TNIK: variants seen among roughly 807,000 people sequenced by gnomAD.
The protein encoded by TNIK is TRAF2 and NCK-interacting protein kinase.
TNIK carries 49 observed loss-of-function variants against 191.3 expected under a neutral mutation model. The observed-to-expected ratio is 0.26, with a 90% CI of 0.20 to 0.32. TNIK has a LOEUF of 0.32. Among genes scored for constraint, TNIK ranks in the 10% least tolerant of loss-of-function variants. The pLI is 1.00. For missense variants in TNIK, 1,155 were observed against 1,702.3 expected (o/e 0.68, Z 5.66); for synonymous variants, 594 against 600.9 (o/e 0.99, Z 0.17).
intron 8 of TNIK, 144 bp from the exon 9 acceptor site, chr3:171,175,474 C>A: frequency 1.6e-6 from 1 of 639,882 alleles, no homozygotes; most frequent in Non-Finnish European, 2.7e-6. Flanking sequence ...TATCCAAATG[C>A]TTCTGAGCAT....
intron 1 of TNIK, among the ~76,000 whole-genome samples, chr3:171,441,321 C>G (rs1726774109): frequency 6.6e-6 from 1 of 152,226 alleles, no homozygotes; most frequent in African/African-American, 2.4e-5. Flanking sequence ...CCCTGTTTTC[C>G]TCTCCACCCT....
intron 2 of TNIK, among the ~76,000 whole-genome samples, chr3:171,237,920 A>G (rs751602890): frequency 7.2e-5 from 11 of 152,088 alleles, no homozygotes; most frequent in Non-Finnish European, 1.5e-4. Context: ...CTAGAAGTAA[A>G]CCTACCATCC....
chr3:171,180,188 C>T (rs1030085880), intron 7 of TNIK, among the ~76,000 whole-genome samples: 3 of 152,152 alleles, frequency 2.0e-5, no homozygotes, highest in Admixed American at 1.3e-4. Flanking sequence ...TGCTCGAAGG[C>T]CCAGCCTTTG....
At chr3:171,111,289 C>T (rs1254268207) in intron 18 of TNIK, among the ~76,000 whole-genome samples, 2 of 152,034 alleles carry the variant, frequency 1.3e-5, no homozygotes, top group East Asian at 1.9e-4. Flanking sequence ...GTGGCATGTG[C>T]CTGTCCTCCC....
At chr3:171,102,910 A>AAT (rs1560112323) in intron 21 of TNIK, among the ~76,000 whole-genome samples, 1 of 152,110 alleles carries the variant, frequency 6.6e-6, no homozygotes, top group Admixed American at 6.5e-5. Context: ...ACAACAAAAC[A>AAT]TTGTTTCTCT....
intron 2 of TNIK, among the ~76,000 whole-genome samples, chr3:171,303,033 A>T (rs926436737): frequency 1.3e-5 from 2 of 152,228 alleles, no homozygotes; most frequent in African/African-American, 4.8e-5. Context: ...TTTATATAAT[A>T]ACAAAATTGC....
chr3:171,323,443 A>G (rs1365312622), intron 2 of TNIK, among the ~76,000 whole-genome samples: 2 of 152,162 alleles, frequency 1.3e-5, no homozygotes, highest in Non-Finnish European at 2.9e-5. Flanking sequence ...TGTGGATTAC[A>G]CCGCATGGAT....
intron 21 of TNIK, chr3:171,106,588 T>C (rs1393942638): frequency 4.1e-6 from 2 of 484,208 alleles, no homozygotes; most frequent in South Asian, 3.1e-5. Flanking sequence ...AGTAAGGCAG[T>C]CATCCTTCTT....
At chr3:171,395,050 G>A (rs76253613) in intron 1 of TNIK, among the ~76,000 whole-genome samples, 2,151 of 152,266 alleles carry the variant, frequency 0.014, 54 homozygotes, top group African/African-American at 0.048. Flanking sequence ...GCTTGATAAG[G>A]TGATCTTGGC....
intron 4 of TNIK, among the ~76,000 whole-genome samples, chr3:171,206,515 C>T (rs1454833635): frequency 2.6e-5 from 4 of 152,008 alleles, no homozygotes; most frequent in African/African-American, 9.7e-5. Context: ...CCCATTAACA[C>T]CATGCAGATG....
chr3:171,092,094 C>T (rs183586017), intron 23 of TNIK, among the ~76,000 whole-genome samples: 15 of 151,870 alleles, frequency 9.9e-5, no homozygotes, highest in African/African-American at 3.1e-4. Flanking sequence ...GGACTACAGG[C>T]GCCCGCCACG....
intron 4 of TNIK, among the ~76,000 whole-genome samples, chr3:171,209,699 C>T (rs1447327227): frequency 1.3e-5 from 2 of 151,768 alleles, no homozygotes; most frequent in Non-Finnish European, 2.9e-5. Flanking sequence ...ATGTGTTTAC[C>T]CCCAAATAAT....
At chr3:171,223,660 C>T (rs919045981) in intron 3 of TNIK, among the ~76,000 whole-genome samples, 1 of 152,248 alleles carries the variant, frequency 6.6e-6, no homozygotes, top group East Asian at 1.9e-4. Context: ...AATCATGGAA[C>T]CTGCTTGGTT....
rs1553829236 is a variant in TNIK at position 171,137,979 on chromosome 3, A to AAAAAC, written c.1608+211_1608+212insGTTTT. ...ACCACAAAGATATACAAAAAAAAAA[A>AAAAAC]AAAAACAAAAACAAAACCTCACAAA... is the stretch of plus-strand genomic sequence containing the variant. On this transcript the variant is annotated intron_variant, in intron 15 of 32. Transcript: ENST00000436636. 5.5e-3 allele frequency among the ~76,000 whole-genome samples: 712 copies of AAAAAC among 130,044 alleles called. 8 individuals are homozygous for AAAAAC. The highest frequency in any genetic ancestry group is 0.02 in the African/African-American group (690 of 34,436). 85.3% of individuals were successfully genotyped at this position (130,044 alleles called of 152,430 possible).
chr3:171,253,230 G>GC (rs1462685236), intron 2 of TNIK, among the ~76,000 whole-genome samples: 1 of 147,358 alleles, frequency 6.8e-6, no homozygotes, highest in African/African-American at 2.5e-5. Context: ...CTTGCAGTGA[G>GC]CCGAGATCAC....
chr3:171,327,181 A>T (rs1308439595), intron 2 of TNIK, among the ~76,000 whole-genome samples: 5 of 152,204 alleles, frequency 3.3e-5, no homozygotes, highest in Non-Finnish European at 1.5e-5. Context: ...GTTCTTCCTC[A>T]TGCTAAGCTG....
intron 2 of TNIK, among the ~76,000 whole-genome samples, chr3:171,246,212 C>T (rs1361541760): frequency 6.6e-6 from 1 of 151,800 alleles, no homozygotes; most frequent in East Asian, 1.9e-4. Flanking sequence ...TTTGAGACAA[C>T]AGTGGAAACT....
intron 22 of TNIK, among the ~76,000 whole-genome samples, chr3:171,100,678 T>TA (rs1176429933): frequency 1.6e-5 from 2 of 125,700 alleles, no homozygotes; most frequent in African/African-American, 6.3e-5. Context: ...CAACAGGGGA[T>TA]AAGGGTAGGT....
chr3:171,357,597 T>C (rs1385557004), intron 2 of TNIK, among the ~76,000 whole-genome samples: 1 of 150,686 alleles, frequency 6.6e-6, no homozygotes. Flanking sequence ...ACCTACTCTG[T>C]ATTGGTACTA....
Sources: gnomAD v4.1 joint callset for allele counts (sites outside exome capture counted in the v4.1 genomes callset) on GRCh38, gnomAD v4.1.1 for gene constraint, MANE v1.5 for transcripts, NCBI Gene and HGNC (gene_info 2026-07-23, HGNC 2026-07-21) for gene names.